The following CAMK1D variants were observed in gnomAD, a reference collection of about 807,000 sequenced individuals.
The protein encoded by CAMK1D is calcium/calmodulin-dependent protein kinase type 1D.
Under a neutral mutation model 47.7 loss-of-function variants are expected in CAMK1D, and 9 were observed. The ratio of observed to expected loss-of-function variants is 0.19; its 90% confidence interval spans 0.11 to 0.33. The LOEUF (loss-of-function observed/expected upper bound fraction) is 0.33, where lower values mean the gene tolerates loss of function less well. Among genes scored for constraint, CAMK1D ranks in the 10% least tolerant of loss-of-function variants. The probability of loss-of-function intolerance (pLI) is 1.00; values close to 1 mark genes in which losing one functional copy is unlikely to be tolerated. For missense variants in CAMK1D, 291 were observed against 488.7 expected (o/e 0.60, Z 3.81); for synonymous variants, 184 against 184.9 (o/e 0.99, Z 0.04).
At chr10:12,646,797 G>A (rs1011567871) in intron 2 of CAMK1D, among the ~76,000 whole-genome samples, 21 of 151,948 alleles carry the variant, frequency 1.4e-4, no homozygotes, top group South Asian at 4.2e-4. Context: ...ACTCTTTATC[G>A]TTCAGTTGTT....
chr10:12,736,726 G>GCAC (rs1247891229), intron 3 of CAMK1D, among the ~76,000 whole-genome samples: 6 of 151,854 alleles, frequency 4.0e-5, no homozygotes, highest in Non-Finnish European at 8.8e-5. Context: ...TTGATGAATA[G>GCAC]CACCACCATC....
At chr10:12,716,518 C>A (rs1834143102) in intron 3 of CAMK1D, among the ~76,000 whole-genome samples, 1 of 152,062 alleles carries the variant, frequency 6.6e-6, no homozygotes, top group Admixed American at 6.5e-5. Context: ...GACAGAGGGG[C>A]TCTGAGAATG....
intron 2 of CAMK1D, among the ~76,000 whole-genome samples, chr10:12,655,797 G>A (rs1840100828): frequency 6.6e-6 from 1 of 152,246 alleles, no homozygotes; most frequent in Non-Finnish European, 1.5e-5. Context: ...AGAAGGAAAA[G>A]TGGGTCTTTT....
intron 2 of CAMK1D, among the ~76,000 whole-genome samples, chr10:12,651,305 C>T (rs1027040419): frequency 3.3e-5 from 5 of 152,220 alleles, no homozygotes; most frequent in African/African-American, 1.2e-4. Context: ...ACATTTATGC[C>T]TACATACAGA....
intron 3 of CAMK1D, among the ~76,000 whole-genome samples, chr10:12,706,490 T>C (rs1016634521): frequency 2.0e-5 from 3 of 152,040 alleles, no homozygotes; most frequent in Non-Finnish European, 4.4e-5. Flanking sequence ...GGCAGGAAGA[T>C]CTCTTGAGCC....
intron 1 of CAMK1D, among the ~76,000 whole-genome samples, chr10:12,523,068 C>T (rs550364797): frequency 2.4e-3 from 367 of 150,700 alleles, no homozygotes; most frequent in Non-Finnish European, 4.0e-3. Flanking sequence ...ACTTCTCAGT[C>T]GGGGCGGCTG....
At chr10:12,387,062 G>C (rs1838518274) in intron 1 of CAMK1D, among the ~76,000 whole-genome samples, 1 of 151,482 alleles carries the variant, frequency 6.6e-6, no homozygotes, top group Admixed American at 6.6e-5. Flanking sequence ...AAATTAGCCA[G>C]GTGTGATGGC....
intron 3 of CAMK1D, among the ~76,000 whole-genome samples, chr10:12,699,709 C>T (rs547787362): frequency 2.6e-5 from 4 of 151,486 alleles, no homozygotes; most frequent in South Asian, 2.1e-4. Context: ...GGTTTGCCGC[C>T]GTGGACTTCA....
intron 2 of CAMK1D, among the ~76,000 whole-genome samples, chr10:12,574,888 G>A (rs78236634): frequency 0.034 from 5,138 of 152,006 alleles, 155 homozygotes; most frequent in Non-Finnish European, 0.046. Flanking sequence ...GATGCTGCAC[G>A]CTTCTAACAA....
At chr10:12,670,313 G>A (rs1408825429) in intron 3 of CAMK1D, among the ~76,000 whole-genome samples, 1 of 151,860 alleles carries the variant, frequency 6.6e-6, no homozygotes, top group Non-Finnish European at 1.5e-5. Context: ...TTGGCCACTT[G>A]TATATCTTCT....
chr10:12,577,024 T>G (rs1227571299), intron 2 of CAMK1D, among the ~76,000 whole-genome samples: 1 of 152,182 alleles, frequency 6.6e-6, no homozygotes, highest in Non-Finnish European at 1.5e-5. Context: ...CCAGAACACT[T>G]TCACGTGCAT....
chr10:12,753,865 C>T (rs887374628), intron 3 of CAMK1D, among the ~76,000 whole-genome samples: 1 of 152,190 alleles, frequency 6.6e-6, no homozygotes, highest in African/African-American at 2.4e-5. Flanking sequence ...CTTCACTTAA[C>T]TAAATACTGC....
intron 1 of CAMK1D, among the ~76,000 whole-genome samples, chr10:12,522,973 CAT>C (rs1835481526): frequency 7.3e-6 from 1 of 137,090 alleles, no homozygotes. Context: ...GGCTGATCCC[CAT>C]CTCCCTCCCA....
intron 1 of CAMK1D, among the ~76,000 whole-genome samples, chr10:12,461,675 G>A (rs898030030): frequency 9.7e-5 from 13 of 133,550 alleles, no homozygotes; most frequent in East Asian, 4.3e-4. Context: ...GTGACAGAGC[G>A]AGGCTTCATC....
intron 1 of CAMK1D, among the ~76,000 whole-genome samples, chr10:12,462,468 A>AT (rs11343025): frequency 5.2e-4 from 77 of 147,038 alleles, no homozygotes; most frequent in East Asian, 3.8e-3. Context: ...CTGGCCAAGA[A>AT]TTTTTTTTTT....
At chr10:12,743,360 G>GA (rs1454869654) in intron 3 of CAMK1D, among the ~76,000 whole-genome samples, 13 of 105,912 alleles carry the variant, frequency 1.2e-4, no homozygotes, top group African/African-American at 4.3e-4. Flanking sequence ...AAAAAAAAAA[G>GA]AAAAAAGAAA....
At chr10:12,588,154 C>A (rs1588664583) in intron 2 of CAMK1D, among the ~76,000 whole-genome samples, 1 of 152,140 alleles carries the variant, frequency 6.6e-6, no homozygotes, top group African/African-American at 2.4e-5. Context: ...TTGGGGACCC[C>A]AGCTGCTCTT....
At chr10:12,550,008 G>A (rs767710342) in intron 1 of CAMK1D, among the ~76,000 whole-genome samples, 8 of 152,162 alleles carry the variant, frequency 5.3e-5, no homozygotes, top group African/African-American at 2.4e-5. Context: ...TGCGTTGGCC[G>A]TGGTCATTTC....
chr10:12,595,363 A>AAAAAAAAAAAAAAAAAC (rs1838116434), intron 2 of CAMK1D, among the ~76,000 whole-genome samples: 1 of 150,514 alleles, frequency 6.6e-6, no homozygotes, highest in African/African-American at 2.4e-5. Context: ...AAAAAAAAAA[A>AAAAAAAAAAAAAAAAAC]AGGATGGTTT....
Sources: allele counts gnomAD v4.1 joint callset (sites outside exome capture counted in the v4.1 genomes callset), GRCh38; gene constraint gnomAD v4.1.1; transcripts MANE v1.5; gene names NCBI Gene and HGNC (gene_info 2026-07-23, HGNC 2026-07-21).